The following EHMT1 variants were observed in gnomAD, a reference collection of about 807,000 sequenced individuals.
EHMT1 encodes euchromatic histone lysine methyltransferase 1, also known as histone-lysine N-methyltransferase EHMT1.
In EHMT1, 15 loss-of-function variants were observed where a neutral mutation model predicts 147.2. The ratio of observed to expected loss-of-function variants is 0.10; its 90% CI spans 0.07 to 0.16. EHMT1 has a LOEUF of 0.16. EHMT1 is among the 10% of genes least tolerant of loss of function. EHMT1 has a pLI of 1.00. For missense variants in EHMT1, 1,587 were observed against 1,772.4 expected (o/e 0.90, Z 1.88); for synonymous variants, 795 against 709.6 (o/e 1.12, Z -1.91).
chr9:137,802,034 A>G (rs1953531146), intron 18 of EHMT1, among the ~76,000 whole-genome samples: 1 of 152,206 alleles, frequency 6.6e-6, no homozygotes, highest in Non-Finnish European at 1.5e-5. Context: ...TGTAAGGCCC[A>G]TTTGTTTGCT....
chr9:137,711,142 A>G (rs1944677051), intron 2 of EHMT1, 112 bp downstream of exon 2: 1 of 1,129,074 alleles, frequency 8.9e-7, no homozygotes, highest in Non-Finnish European at 1.3e-6. Flanking sequence ...TGCTTCACCT[A>G]GGTTTATGGT....
intron 18 of EHMT1, among the ~76,000 whole-genome samples, chr9:137,804,294 C>T (rs549213127): frequency 1.3e-5 from 2 of 152,290 alleles, no homozygotes; most frequent in African/African-American, 4.8e-5. Flanking sequence ...CATGGTCAGT[C>T]TTTAACTTTT....
intron 10 of EHMT1, among the ~76,000 whole-genome samples, chr9:137,768,573 G>T (rs1470691619): frequency 1.4e-5 from 1 of 72,306 alleles, no homozygotes; most frequent in Non-Finnish European, 2.5e-5. Flanking sequence ...TTTTTGAGAC[G>T]GAGTCTTGCT....
At chr9:137,675,836 T>A (rs984288266) in intron 1 of EHMT1, among the ~76,000 whole-genome samples, 3 of 130,442 alleles carry the variant, frequency 2.3e-5, no homozygotes, top group African/African-American at 9.3e-5. Context: ...CAGGCTGGAG[T>A]GCAGTGGCGG....
chr9:137,641,455 C>A, intron 1 of EHMT1: 1 of 517,166 alleles, frequency 1.9e-6, no homozygotes, highest in South Asian at 1.5e-5. Flanking sequence ...GCCTCTTCAT[C>A]CTCCTCCCAA....
intron 15 of EHMT1, chr9:137,788,887 C>T (rs1328119088): frequency 2.0e-5 from 3 of 152,566 alleles, no homozygotes; most frequent in Admixed American, 6.5e-5. Context: ...GAGGTGGGTC[C>T]TGCTCCGCGT....
chr9:137,708,650 G>C (rs1009178169), intron 1 of EHMT1, among the ~76,000 whole-genome samples: 1 of 152,186 alleles, frequency 6.6e-6, no homozygotes, highest in Non-Finnish European at 1.5e-5. Flanking sequence ...CATGTGTTTC[G>C]AAAATTCAAA....
chr9:137,780,029 C>CCTGAGATGTGTGGTGATGACG (rs1428644680), intron 14 of EHMT1, among the ~76,000 whole-genome samples: 1 of 150,602 alleles, frequency 6.6e-6, no homozygotes, highest in Non-Finnish European at 1.5e-5. Flanking sequence ...GAGTTGTGGC[C>CCTGAGATGTGTGGTGATGACG]CTGAGATGTG....
At chr9:137,652,089 A>G (rs932396524) in intron 1 of EHMT1, among the ~76,000 whole-genome samples, 2 of 152,210 alleles carry the variant, frequency 1.3e-5, no homozygotes, top group African/African-American at 4.8e-5. Flanking sequence ...AGTCTCAGGC[A>G]GGCCCTTCAG....
intron 12 of EHMT1, chr9:137,777,119 G>A: frequency 2.3e-6 from 1 of 442,216 alleles, no homozygotes; most frequent in Non-Finnish European, 4.2e-6. Context: ...TGTTTCTGTT[G>A]ATGGCACAGT....
At chr9:137,743,830 C>T (rs1948318687) in intron 5 of EHMT1, 72 bp from the exon 6 acceptor site, 2 of 1,523,482 alleles carry the variant, frequency 1.3e-6, no homozygotes, top group Admixed American at 2.0e-5. Context: ...ACCCAAGACT[C>T]CTCAGTGAAA....
At chr9:137,649,353 C>CAG (rs1845138973) in intron 1 of EHMT1, among the ~76,000 whole-genome samples, 1 of 151,952 alleles carries the variant, frequency 6.6e-6, no homozygotes, top group African/African-American at 2.4e-5. Flanking sequence ...CCAGATACTG[C>CAG]GGAGGCCGAG....
At position 137,706,499 on chromosome 9, in the gene EHMT1, A is replaced by G. The variant is rs115552017; in HGVS notation, c.22-4468A>G. Among the ~76,000 whole-genome samples the G allele has an allele frequency of 7.9e-3, 1,210 of 152,248 alleles. 23 individuals are homozygous for G. The highest frequency in any genetic ancestry group is 0.028 in the African/African-American group (1,154 of 41,540). ...ACAGGAGCCCTTCCTCCCCTTATTTATTTTTGAGACGGAGTCTCGCTCTGT... is the reference window on the plus strand; with the variant it reads ...ACAGGAGCCCTTCCTCCCCTTATTTGTTTTTGAGACGGAGTCTCGCTCTGT... On this transcript the variant is annotated intron_variant, in intron 1 of 26. Transcript: ENST00000460843.
chr9:137,742,486 T>G (rs1432569700), intron 4 of EHMT1, among the ~76,000 whole-genome samples: 1 of 152,124 alleles, frequency 6.6e-6, no homozygotes. Context: ...CCCATCCCTT[T>G]AGGAGAGTTT....
intron 10 of EHMT1, among the ~76,000 whole-genome samples, chr9:137,773,238 T>C (rs1328483460): frequency 6.6e-6 from 1 of 152,232 alleles, no homozygotes; most frequent in African/African-American, 2.4e-5. Flanking sequence ...ATGTAAACAT[T>C]TTTCAAAGTC....
intron 18 of EHMT1, chr9:137,803,346 T>C (rs900201132): frequency 2.1e-6 from 2 of 974,596 alleles, no homozygotes; most frequent in African/African-American, 1.8e-5. Context: ...GCCCTGATGA[T>C]CTTCAGGTGA....
intron 1 of EHMT1, among the ~76,000 whole-genome samples, chr9:137,703,933 A>T (rs1588254297): frequency 6.6e-6 from 1 of 152,298 alleles, no homozygotes; most frequent in East Asian, 1.9e-4. Flanking sequence ...AGGTTTGATC[A>T]GCTCATGGTT....
intron 2 of EHMT1, among the ~76,000 whole-genome samples, chr9:137,713,720 T>C (rs1050669921): frequency 6.6e-6 from 1 of 152,020 alleles, no homozygotes; most frequent in South Asian, 2.1e-4. Flanking sequence ...GAGGCCAAGG[T>C]GGGCAGATCA....
At chr9:137,660,416 C>T (rs935696263) in intron 1 of EHMT1, among the ~76,000 whole-genome samples, 7 of 152,124 alleles carry the variant, frequency 4.6e-5, no homozygotes, top group Admixed American at 1.3e-4. Context: ...CTCCTTTCTT[C>T]GTCAGCCTGT....
Sources: gnomAD v4.1 joint callset for allele counts (sites outside exome capture counted in the v4.1 genomes callset) on GRCh38, gnomAD v4.1.1 for gene constraint, MANE v1.5 for transcripts, NCBI Gene and HGNC (gene_info 2026-07-23, HGNC 2026-07-21) for gene names.